SLC7A11: variants seen among roughly 807,000 people sequenced by gnomAD.
SLC7A11 encodes solute carrier family 7 member 11.
SLC7A11 carries 35 observed loss-of-function variants against 54.5 expected under a neutral mutation model. The observed-to-expected ratio is 0.64, with a 90% CI of 0.49 to 0.85. The LOEUF is 0.85. SLC7A11 is among the 40% of genes least tolerant of loss of function. The pLI is 0.00. For synonymous variants in SLC7A11, 230 were observed against 225.2 expected (o/e 1.02, Z -0.19); for missense variants, 583 against 618.1 (o/e 0.94, Z 0.60).
chr4:138,231,538 C>G (rs1348737679), intron 3 of SLC7A11, among the ~76,000 whole-genome samples: 2 of 152,212 alleles, frequency 1.3e-5, no homozygotes, highest in East Asian at 3.9e-4. Context: ...ATTCTTAAGA[C>G]AGTGATTCAA....
rs1405063622 is a variant in SLC7A11, at chr4:138,167,286, G to T, written c.*4670C>A. 6.6e-6 allele frequency: 1 copy of T among 151,258 alleles called. No individual in the cohort carries two copies. Among genetic ancestry groups the T allele is most frequent in the Non-Finnish European group, 1.5e-5 (1 of 67,866 alleles). The allele number at this position is 151,258 out of a possible 1,614,324, so 9.4% of individuals were successfully genotyped here. A position where few individuals can be genotyped will look rare whatever the true frequency, so the allele number is the denominator to read the frequency against. On this transcript the variant is annotated 3_prime_UTR_variant, in exon 12 of 12. Coordinates refer to ENST00000280612, the MANE Select transcript of SLC7A11 (RefSeq NM_014331.4). ...CCTGCCTCAGCCTCCCGAGTAGCTG[G>T]GATTACAGGCGCCTGCCACCACGCC... is the stretch of plus-strand genomic sequence containing the variant.
Position 138,242,045 on chromosome 4 carries a change from T to G in SLC7A11, c.25A>C (p.Thr9Pro). 6.2e-7 allele frequency: 1 copy of G among 1,613,972 alleles called. No individual in the cohort carries two copies. ...TGCAGGTAACCTCCTTTGGAGATGG[T>G]GGACACAACAGGCTTTCTGACCATA... MVRKPVVS[T>P]ISKGGYLQGN... Residue 9 changes from threonine (T) to proline (P), a missense_variant, in exon 1 of 12, where the codon ACC (threonine) becomes CCC (proline). Thr to Pro is a conservative substitution (Grantham distance 38). Coordinates refer to ENST00000280612, the MANE Select transcript of SLC7A11 (RefSeq NM_014331.4).
chr4:138,219,187 C>A (rs1257925426), intron 5 of SLC7A11, 79 bp downstream of exon 5: 10 of 796,264 alleles, frequency 1.3e-5, no homozygotes, highest in African/African-American at 3.4e-5. Flanking sequence ...TTGCCTGGCA[C>A]CTTGCTTGGC....
intron 5 of SLC7A11, among the ~76,000 whole-genome samples, chr4:138,216,458 CA>C (rs1486213637): frequency 6.6e-6 from 1 of 152,110 alleles, no homozygotes; most frequent in East Asian, 1.9e-4. Context: ...CCCAGGGCCA[CA>C]AGGGGGACTG....
At chr4:138,179,528 CG>C (rs1736668971) in intron 10 of SLC7A11, 134 bp from the exon 11 acceptor site, 2 of 656,816 alleles carry the variant, frequency 3.0e-6, no homozygotes, top group East Asian at 5.5e-5. Flanking sequence ...CAGGCACCAA[CG>C]TGCCTTAGTA....
intron 5 of SLC7A11, among the ~76,000 whole-genome samples, chr4:138,217,168 T>C (rs767555967): frequency 2.0e-5 from 3 of 152,176 alleles, no homozygotes; most frequent in Non-Finnish European, 2.9e-5. Context: ...CAACCTGTTA[T>C]AGAAACACGG....
chr4:138,187,460 A>G (rs1476111478), intron 6 of SLC7A11, among the ~76,000 whole-genome samples: 2 of 152,144 alleles, frequency 1.3e-5, no homozygotes, highest in Admixed American at 1.3e-4. Flanking sequence ...AGCTTAAATA[A>G]CTATTTAAGG....
intron 6 of SLC7A11, among the ~76,000 whole-genome samples, chr4:138,187,981 A>T (rs117655426): frequency 0.013 from 1,973 of 152,282 alleles, 23 homozygotes; most frequent in Middle Eastern, 0.044. Flanking sequence ...AACAGCTTAA[A>T]ATATAAACAA....
intron 3 of SLC7A11, among the ~76,000 whole-genome samples, chr4:138,227,719 G>A (rs565372326): frequency 4.6e-5 from 7 of 152,250 alleles, no homozygotes; most frequent in Non-Finnish European, 8.8e-5. Context: ...TAGTTCAAAA[G>A]ACATACATGA....
At chr4:138,184,553 C>T (rs1387140972) in intron 7 of SLC7A11, among the ~76,000 whole-genome samples, 1 of 152,068 alleles carries the variant, frequency 6.6e-6, no homozygotes, top group African/African-American at 2.4e-5. Flanking sequence ...AGTTCAAATG[C>T]ATGTTGGTAT....
intron 2 of SLC7A11, 99 bp downstream of exon 2, chr4:138,236,226 C>T (rs2148456390): frequency 1.1e-6 from 1 of 944,856 alleles, no homozygotes; most frequent in Middle Eastern, 2.6e-4. Context: ...ATCATGTAGT[C>T]ACATGACATG....
At chr4:138,228,214 A>G (rs1162599676) in intron 3 of SLC7A11, among the ~76,000 whole-genome samples, 1 of 152,168 alleles carries the variant, frequency 6.6e-6, no homozygotes, top group Non-Finnish European at 1.5e-5. Flanking sequence ...TCTTTATTTT[A>G]TATAGATAAA....
At chr4:138,205,150 C>T (rs1453192838) in intron 6 of SLC7A11, among the ~76,000 whole-genome samples, 1 of 151,828 alleles carries the variant, frequency 6.6e-6, no homozygotes, top group Non-Finnish European at 1.5e-5. Flanking sequence ...AACAAAGATT[C>T]GGAAGCAATT....
chr4:138,182,998 A>G (rs1399917492), intron 8 of SLC7A11, among the ~76,000 whole-genome samples: 1 of 152,130 alleles, frequency 6.6e-6, no homozygotes, highest in Non-Finnish European at 1.5e-5. Flanking sequence ...TCCGTCTTCC[A>G]AATAAGCTAT....
chr4:138,206,396 T>TAC (rs1239718825), intron 6 of SLC7A11, among the ~76,000 whole-genome samples: 5 of 150,286 alleles, frequency 3.3e-5, no homozygotes, highest in Admixed American at 2.0e-4. Context: ...TATATATATA[T>TAC]ATATAGCCTC....
chr4:138,209,997 T>C (rs1737509338), intron 6 of SLC7A11, among the ~76,000 whole-genome samples: 1 of 151,956 alleles, frequency 6.6e-6, no homozygotes. Context: ...CAAACCATAC[T>C]ATAGGGTTAC....
intron 4 of SLC7A11, among the ~76,000 whole-genome samples, chr4:138,221,173 G>A (rs1737800102): frequency 6.6e-6 from 1 of 152,110 alleles, no homozygotes; most frequent in African/African-American, 2.4e-5. Context: ...TAAAGACTGG[G>A]TCACAAGCAA....
chr4:138,236,702 G>T (rs1438300716), intron 1 of SLC7A11, among the ~76,000 whole-genome samples: 1 of 151,996 alleles, frequency 6.6e-6, no homozygotes, highest in Non-Finnish European at 1.5e-5. Flanking sequence ...AAATGACAAA[G>T]ATACATGTCT....
intron 11 of SLC7A11, chr4:138,174,700 G>A (rs1044527215): frequency 1.3e-5 from 2 of 152,146 alleles, no homozygotes; most frequent in Non-Finnish European, 2.9e-5. Context: ...TGTTGAAAAA[G>A]TCTTTCGGCT....
Sources: gnomAD v4.1 joint callset for allele counts (sites outside exome capture counted in the v4.1 genomes callset) on GRCh38, gnomAD v4.1.1 for gene constraint, MANE v1.5 for transcripts, NCBI Gene and HGNC (gene_info 2026-07-23, HGNC 2026-07-21) for gene names.